The following STK4 variants were observed in gnomAD, a reference collection of about 807,000 sequenced individuals.
The protein encoded by STK4 is serine/threonine kinase 4, also known as serine/threonine-protein kinase 4.
Under a neutral mutation model 64.9 loss-of-function variants are expected in STK4, and 30 were observed. The observed-to-expected ratio is 0.46, with a 90% CI of 0.35 to 0.63. The LOEUF is 0.63. Among genes scored for constraint, STK4 ranks in the 20% least tolerant of loss-of-function variants. STK4 has a pLI of 0.01. For synonymous variants in STK4, 177 were observed against 199.0 expected, an observed-to-expected ratio of 0.89 and a Z score of 0.93; for missense variants, 466 against 598.5, an observed-to-expected ratio of 0.78 and a Z score of 2.31.
intron 9 of STK4, among the ~76,000 whole-genome samples, chr20:45,012,414 C>G (rs927179763): frequency 2.0e-5 from 3 of 152,174 alleles, no homozygotes; most frequent in Non-Finnish European, 4.4e-5. Context: ...ATTGGATACA[C>G]AGATTAATTA....
At chr20:45,013,855 G>A (rs1186776947) in intron 9 of STK4, among the ~76,000 whole-genome samples, 4 of 152,014 alleles carry the variant, frequency 2.6e-5, no homozygotes, top group Admixed American at 2.6e-4. Flanking sequence ...GTCACTGTGT[G>A]GTTGTGGGTT....
In STK4 at chr20:44,981,918, A is replaced by C; in HGVS notation, c.335A>C (p.Asp112Ala). 1 of 1,613,638 alleles carries C rather than the reference A, an allele frequency of 6.2e-7. No homozygotes were observed. Among genetic ancestry groups the C allele is most frequent in the Non-Finnish European group, 8.5e-7 (1 of 1,179,622 alleles). Reference sequence around the variant, plus strand: ...TACTGTGGGGCTGGTTCTGTATCTGATATCATTCGATTACGAAATAAAACG... The same window carrying C: ...TACTGTGGGGCTGGTTCTGTATCTGCTATCATTCGATTACGAAATAAAACG... Reference protein sequence around the residue: ...MEYCGAGSVSDIIRLRNKTLT... With the variant: ...MEYCGAGSVSAIIRLRNKTLT... The change falls in exon 4 of 11, where the codon GAT becomes GCT. Residue 112 changes from aspartate (D) to alanine (A), a missense_variant. Physicochemically the swap from Asp to Ala is moderately radical, Grantham distance 126. Coordinates refer to ENST00000372806, the MANE Select transcript of STK4 (RefSeq NM_006282.5).
chr20:45,058,939 C>T (rs1978740437), intron 10 of STK4, among the ~76,000 whole-genome samples: 1 of 152,070 alleles, frequency 6.6e-6, no homozygotes, highest in African/African-American at 2.4e-5. Flanking sequence ...TTACTAACTT[C>T]CTGAAAGTGT....
chr20:45,075,242 C>T lies in STK4; in HGVS notation c.*66C>T. The T allele has an allele frequency of 6.4e-7, 1 of 1,570,660 alleles. No homozygotes were observed. Among genetic ancestry groups the T allele is most frequent in the Non-Finnish European group, 8.6e-7 (1 of 1,160,104 alleles). On this transcript the variant is annotated 3_prime_UTR_variant, in exon 11 of 11. Coordinates refer to ENST00000372806, the MANE Select transcript of STK4 (RefSeq NM_006282.5). Reference sequence around the variant, plus strand: ...TGGGTGAATTCTGGATGGCTTGCCTCATGTTTGTTAGCCAGCACTTCTGCT... The same window carrying T: ...TGGGTGAATTCTGGATGGCTTGCCTTATGTTTGTTAGCCAGCACTTCTGCT...
At chr20:44,985,066 A>C (rs1326208334) in intron 4 of STK4, among the ~76,000 whole-genome samples, 2 of 152,306 alleles carry the variant, frequency 1.3e-5, no homozygotes, top group East Asian at 3.9e-4. Flanking sequence ...AAGAGGTGGT[A>C]AGTCAAGTCA....
At chr20:45,033,167 T>C (rs1350853178) in intron 10 of STK4, among the ~76,000 whole-genome samples, 2 of 152,244 alleles carry the variant, frequency 1.3e-5, no homozygotes, top group Non-Finnish European at 2.9e-5. Flanking sequence ...AGATTCTGAA[T>C]ATTAGATCTT....
chr20:45,033,087 G>A (rs1447230450), intron 10 of STK4, among the ~76,000 whole-genome samples: 1 of 152,072 alleles, frequency 6.6e-6, no homozygotes, highest in Non-Finnish European at 1.5e-5. Context: ...AGAAGTGTCT[G>A]TTCATGTCCT....
intron 9 of STK4, among the ~76,000 whole-genome samples, chr20:45,012,869 G>T (rs1601266403): frequency 7.4e-6 from 1 of 135,184 alleles, no homozygotes; most frequent in African/African-American, 2.8e-5. Context: ...CTGCAGCCTT[G>T]AATTCCTGGG....
chr20:45,001,213 A>G lies in STK4; in HGVS notation c.1007A>G (p.Asp336Gly). 6.2e-7 allele frequency: 1 copy of G among 1,614,072 alleles called. No homozygotes were observed. Among genetic ancestry groups the G allele is most frequent in the Non-Finnish European group, 8.5e-7 (1 of 1,179,946 alleles). ...GGCACGATGGTTCGAGCAGTGGGTG[A>G]TGAGATGGGCACTGTCCGAGTAGCC... Reference protein sequence around the residue: ...DSGTMVRAVGDEMGTVRVAST... With the variant: ...DSGTMVRAVGGEMGTVRVAST... Residue 336 changes from aspartate (D) to glycine (G), a missense_variant, in exon 9 of 11, where the codon GAT becomes GGT. By Grantham distance (94) the Asp-to-Gly change is moderately conservative. This residue lies in a region of STK4 where 276 missense variants were observed against 308.9 expected (regional missense o/e 0.89). Transcript: ENST00000372806.
At chr20:45,034,477 A>G (rs2068495084) in intron 10 of STK4, among the ~76,000 whole-genome samples, 1 of 152,234 alleles carries the variant, frequency 6.6e-6, no homozygotes, top group Non-Finnish European at 1.5e-5. Context: ...ACTATGCCAT[A>G]TTTACTTCCC....
intron 10 of STK4, among the ~76,000 whole-genome samples, chr20:45,044,669 A>G (rs1343595352): frequency 6.6e-6 from 1 of 152,180 alleles, no homozygotes; most frequent in Non-Finnish European, 1.5e-5. Context: ...AAAAGAAAAA[A>G]GTTACTGAAT....
chr20:45,047,925 A>C (rs762251484), intron 10 of STK4, among the ~76,000 whole-genome samples: 1 of 152,218 alleles, frequency 6.6e-6, no homozygotes, highest in Non-Finnish European at 1.5e-5. Flanking sequence ...TAAAGGTAAG[A>C]TTAAGCCTTC....
chr20:45,052,372 TAATA>T (rs2068790622), intron 10 of STK4, among the ~76,000 whole-genome samples: 1 of 152,230 alleles, frequency 6.6e-6, no homozygotes, highest in Non-Finnish European at 1.5e-5. Flanking sequence ...TCTGCATGCA[TAATA>T]AATCTTGATT....
chr20:45,034,450 T>A (rs2145406437), intron 10 of STK4, among the ~76,000 whole-genome samples: 1 of 152,242 alleles, frequency 6.6e-6, no homozygotes, highest in Non-Finnish European at 1.5e-5. Flanking sequence ...AAAACTTAGA[T>A]AAATAGATGT....
Position 44,978,502 on chromosome 20 carries a change from A to G in STK4, c.176A>G (p.Lys59Arg). The change falls in exon 3 of 11, where the codon AAG (lysine) becomes AGG (arginine). Residue 59 changes from lysine to arginine, a missense_variant. This residue lies in a region of STK4 where 190 missense variants were observed against 289.7 expected (regional missense o/e 0.66). Coordinates refer to ENST00000372806, the MANE Select transcript of STK4 (RefSeq NM_006282.5). ...HKETGQIVAI[K>R]QVPVESDLQE... ...GAGACCGGCCAGATTGTTGCTATTA[A>G]GCAAGTTCCTGTGGAATCAGACCTC... The G allele has an allele frequency of 6.2e-7, 1 of 1,614,188 alleles. No individual in the cohort carries two copies. The highest frequency in any genetic ancestry group is 8.5e-7 in the Non-Finnish European group (1 of 1,180,016).
At chr20:44,974,553 C>T (rs548760647) in intron 2 of STK4, 2 of 152,374 alleles carry the variant, frequency 1.3e-5, no homozygotes, top group African/African-American at 4.8e-5. Context: ...TCACTGCAAC[C>T]TCCGCCTCCC....
chr20:44,969,147 C>T (rs939041752), intron 1 of STK4, among the ~76,000 whole-genome samples: 9 of 152,144 alleles, frequency 5.9e-5, no homozygotes, highest in African/African-American at 1.7e-4. Context: ...CTTTAAAGGC[C>T]TTGTCTCCAA....
chr20:45,030,369 G>A (rs1421408556), intron 10 of STK4, among the ~76,000 whole-genome samples: 1 of 152,200 alleles, frequency 6.6e-6, no homozygotes, highest in African/African-American at 2.4e-5. Flanking sequence ...CTCCCAAAGT[G>A]CTGGGAGTAC....
chr20:45,055,553 T>C (rs557678494), intron 10 of STK4, among the ~76,000 whole-genome samples: 2 of 152,216 alleles, frequency 1.3e-5, no homozygotes, highest in Admixed American at 1.3e-4. Context: ...CCAAACCAGC[T>C]TTTGGTTTTG....
Sources: allele counts gnomAD v4.1 joint callset (sites outside exome capture counted in the v4.1 genomes callset), GRCh38; gene constraint gnomAD v4.1.1; regional missense constraint gnomAD v4.1.1; transcripts MANE v1.5; gene names NCBI Gene and HGNC (gene_info 2026-07-23, HGNC 2026-07-21).